VPS13D: variants seen among roughly 807,000 people sequenced by gnomAD.
The protein encoded by VPS13D is vacuolar protein sorting 13 homolog D.
VPS13D carries 187 observed loss-of-function variants against 461.9 expected under a neutral mutation model. That is an observed-to-expected ratio of 0.40 (90% CI 0.36 to 0.46). VPS13D has a LOEUF of 0.46. Among genes scored for constraint, VPS13D ranks in the 20% least tolerant of loss-of-function variants. VPS13D has a pLI of 0.60. For missense variants in VPS13D, 4,711 were observed against 5,364.9 expected, an observed-to-expected ratio of 0.88 and a Z score of 3.81; for synonymous variants, 1,951 against 1,986.3, an observed-to-expected ratio of 0.98 and a Z score of 0.47.
chr1:12,242,538 A>G lies in VPS13D; in HGVS notation c.123A>G (p.Pro41=), dbSNP rs140004020. 200 of 1,614,178 alleles carry G rather than the reference A, an allele frequency of 1.2e-4. 2 individuals carry two copies. In the African/African-American group the frequency reaches 2.2e-3, roughly 18 times the overall value. ...GTGCTGTTGAATTAGAAAACTTGCCATTAAAGAAAGATGCCTTGAAAGAAT... is the reference window on the plus strand; with the variant it reads ...GTGCTGTTGAATTAGAAAACTTGCCGTTAAAGAAAGATGCCTTGAAAGAAT... The part of the protein sequence containing the change: ...LKGAVELENL[P]LKKDALKELE... Residue 41 remains proline, a synonymous_variant, in exon 3 of 70, where the codon CCA becomes CCG. Coordinates refer to ENST00000620676, the MANE Select transcript of VPS13D (RefSeq NM_015378.4).
chr1:12,252,198 G>A (rs114349522), intron 6 of VPS13D, among the ~76,000 whole-genome samples: 4,691 of 152,110 alleles, frequency 0.031, 185 homozygotes, highest in Admixed American at 0.12. Flanking sequence ...TTACATACAC[G>A]CTTCTGTGTG....
intron 65 of VPS13D, among the ~76,000 whole-genome samples, chr1:12,443,339 T>C (rs187433815): frequency 3.3e-5 from 5 of 152,382 alleles, no homozygotes; most frequent in Non-Finnish European, 5.9e-5. Context: ...CTGTATAGTA[T>C]TCCATTGCAG....
At chr1:12,489,286 CAT>C (rs1024342796) in intron 67 of VPS13D, among the ~76,000 whole-genome samples, 24 of 152,182 alleles carry the variant, frequency 1.6e-4, no homozygotes, top group East Asian at 3.9e-4. Context: ...GTCCCCAAAA[CAT>C]GTGTTAAATT....
At chr1:12,285,439 C>T (rs774432876) in intron 21 of VPS13D, among the ~76,000 whole-genome samples, 5 of 151,450 alleles carry the variant, frequency 3.3e-5, no homozygotes, top group Non-Finnish European at 5.9e-5. Context: ...TACAGGTGCG[C>T]GCCGCCATGC....
At chr1:12,363,677 G>A (rs1351717424) in intron 52 of VPS13D, among the ~76,000 whole-genome samples, 3 of 152,050 alleles carry the variant, frequency 2.0e-5, no homozygotes, top group East Asian at 3.8e-4. Context: ...TAACCAGGCC[G>A]GGCGCAGTGG....
rs752015762 is a variant in VPS13D at position 12,260,784 on chromosome 1, A to C, written c.1202A>C (p.Glu401Ala). Residue 401 changes from glutamate to alanine, a missense_variant, in exon 11 of 70, where the codon GAA becomes GCA. Around this residue, in one of 3 missense-constraint regions of VPS13D, gnomAD observed 4,411 missense variants for 4,937.8 expected, o/e 0.89. Coordinates refer to ENST00000620676, the MANE Select transcript of VPS13D (RefSeq NM_015378.4). ...LVHDRFHKQE[E>A]LAESLREPQF... ...CATGATCGATTTCACAAACAGGAAG[A>C]ACTAGCAGAGGTAAGAAATCCTCTA... is the stretch of plus-strand genomic sequence containing the variant. 3.1e-6 allele frequency: 5 copies of C among 1,614,180 alleles called. No individual in the cohort carries two copies. The highest frequency in any genetic ancestry group is 3.4e-6 in the Non-Finnish European group (4 of 1,180,014).
intron 21 of VPS13D, among the ~76,000 whole-genome samples, chr1:12,287,861 T>G (rs1435294046): frequency 2.0e-5 from 3 of 152,202 alleles, no homozygotes; most frequent in African/African-American, 7.2e-5. Context: ...TTTGAAAAAT[T>G]TATCAAAATG....
intron 2 of VPS13D, 75 bp downstream of exon 2, chr1:12,234,438 A>C: frequency 3.9e-6 from 5 of 1,272,092 alleles, no homozygotes; most frequent in Non-Finnish European, 5.6e-6. Flanking sequence ...TTGTCCTGAG[A>C]ATCATAAAAC....
intron 65 of VPS13D, among the ~76,000 whole-genome samples, chr1:12,435,303 A>G (rs1291577085): frequency 6.6e-6 from 1 of 152,000 alleles, no homozygotes; most frequent in South Asian, 2.1e-4. Flanking sequence ...AGTCTAAAAA[A>G]TACAAAAATT....
chr1:12,376,376 G>A (rs6541019), intron 55 of VPS13D, among the ~76,000 whole-genome samples: 35,628 of 152,162 alleles, frequency 0.23, 5,014 homozygotes, highest in Non-Finnish European at 0.33. Context: ...GACCTCCCAG[G>A]TTTGCTGGAA....
chr1:12,456,046 C>A lies in VPS13D; in HGVS notation c.12382C>A (p.His4128Asn). The A allele has an allele frequency of 6.2e-7, 1 of 1,613,774 alleles. No homozygotes were observed. Among genetic ancestry groups the A allele is most frequent in the South Asian group, 1.1e-5 (1 of 91,032 alleles). ...DGLGKTMDNR[H>N]QSEREYIRYH... is the part of the protein sequence containing the mutation. ...CTTAGGGAAGACGATGGACAATCGG[C>A]ATCAGTCAGAGCGGGAGTACATCAG... The change falls in exon 66 of 70, where the codon CAT becomes AAT. Residue 4128 changes from histidine (H) to asparagine (N), a missense_variant. His to Asn is a moderately conservative substitution (Grantham distance 68, BLOSUM62 1). Transcript: ENST00000620676.
intron 54 of VPS13D, among the ~76,000 whole-genome samples, chr1:12,372,078 G>A (rs1045364896): frequency 3.3e-5 from 5 of 151,844 alleles, no homozygotes; most frequent in Admixed American, 6.6e-5. Flanking sequence ...CTATTTTTGA[G>A]ACAAGGTCTC....
intron 60 of VPS13D, among the ~76,000 whole-genome samples, chr1:12,392,545 TAAA>T (rs139602760): frequency 9.3e-5 from 12 of 129,292 alleles, no homozygotes; most frequent in South Asian, 2.5e-4. Flanking sequence ...GTATAAATGT[TAAA>T]AAAAAAAAAA....
In VPS13D at chr1:12,378,481, C is replaced by G; in HGVS notation, c.10971C>G (p.Ala3657=). 6.2e-7 allele frequency: 1 copy of G among 1,612,450 alleles called. No homozygotes were observed. Among genetic ancestry groups the G allele is most frequent in the South Asian group, 1.1e-5 (1 of 90,822 alleles). The change falls in exon 56 of 70, where the codon GCC becomes GCG. Residue 3657 remains alanine (A), a synonymous_variant. Transcript: ENST00000620676. ...LWRMTGTGML[A]HEGSSVPHNP... ...GGATGACAGGAACAGGAATGCTGGC[C>G]CATGAGGGCTCCTCAGTTCCTCACA...
At position 12,509,059 on chromosome 1, in the gene VPS13D, C is replaced by G; in HGVS notation, c.*35C>G. On this transcript the variant is annotated 3_prime_UTR_variant, in exon 70 of 70. Transcript: ENST00000620676. ...GCTGAGATGGGCGCTCCCGACACAG[C>G]GCAGACCCACCAGGAGGAAAGAGGC... 1.2e-6 allele frequency: 2 copies of G among 1,604,304 alleles called. No individual in the cohort carries two copies. The highest frequency in any genetic ancestry group is 1.7e-6 in the Non-Finnish European group (2 of 1,175,514).
At position 12,456,108 on chromosome 1, in the gene VPS13D, C is replaced by T. The variant is rs768815685; in HGVS notation, c.12444C>T (p.Ala4148=). The part of the protein sequence containing the change: ...HAATSGEHLV[A]GIHGLAHGII... ...CCACAAGTGGTGAACACCTTGTAGCCGGCATCCATGGCCTGGCTCATGGTA... is the reference window on the plus strand; with the variant it reads ...CCACAAGTGGTGAACACCTTGTAGCTGGCATCCATGGCCTGGCTCATGGTA... Residue 4148 remains alanine, a synonymous_variant, in exon 66 of 70, where the codon GCC becomes GCT. Transcript: ENST00000620676. 1.4e-5 allele frequency: 22 copies of T among 1,612,862 alleles called. No homozygotes were observed. The highest frequency in any genetic ancestry group is 2.2e-5 in the East Asian group (1 of 44,828).
At chr1:12,257,912 T>A in intron 9 of VPS13D, 23 bp from the exon 10 acceptor site, 1 of 1,613,060 alleles carries the variant, frequency 6.2e-7, no homozygotes, top group Non-Finnish European at 8.5e-7. Flanking sequence ...AAGAAGTGAT[T>A]ACATCGTTAT....
At chr1:12,506,557 G>GC (rs1373252699) in intron 68 of VPS13D, among the ~76,000 whole-genome samples, 6 of 152,104 alleles carry the variant, frequency 3.9e-5, no homozygotes, top group Non-Finnish European at 8.8e-5. Flanking sequence ...CCTCTCCTCT[G>GC]CCAGGCAGTG....
rs139924143 is a variant in VPS13D, at chr1:12,418,159, C to T, written c.12333+1332C>T. Among the ~76,000 whole-genome samples, 320 of 152,280 alleles carry T rather than the reference C, an allele frequency of 2.1e-3. 2 individuals carry two copies. The highest frequency in any genetic ancestry group is 7.2e-3 in the African/African-American group (300 of 41,552). On this transcript the variant is annotated intron_variant, in intron 65 of 69. Coordinates refer to ENST00000620676, the MANE Select transcript of VPS13D (RefSeq NM_015378.4). ...CTGACCTCAAGTGATCCACCAACCT[C>T]GGCCTTCCAAAGTGCTGGGATTACA...
Sources: gnomAD v4.1 joint callset for allele counts (sites outside exome capture counted in the v4.1 genomes callset) on GRCh38, gnomAD v4.1.1 for gene constraint, gnomAD v4.1.1 regional missense constraint, MANE v1.5 for transcripts, NCBI Gene and HGNC (gene_info 2026-07-23, HGNC 2026-07-21) for gene names.